Variants in THRAP3 observed in about 807,000 individuals in gnomAD.
The protein encoded by THRAP3 is thyroid hormone receptor associated protein 3.
A neutral mutation model predicts 101.0 loss-of-function variants in THRAP3; 16 were observed. That is an observed-to-expected ratio of 0.16 (90% confidence interval 0.11 to 0.24). The LOEUF (loss-of-function observed/expected upper bound fraction) is 0.24. Among genes scored for constraint, THRAP3 ranks in the 10% least tolerant of loss-of-function variants. The pLI, the probability that THRAP3 is intolerant of heterozygous loss-of-function variation, is 1.00. For synonymous variants in THRAP3, 407 were observed against 422.6 expected, an observed-to-expected ratio of 0.96 and a Z score of 0.45; for missense variants, 989 against 1,202.7, an observed-to-expected ratio of 0.82 and a Z score of 2.63.
chr1:36,285,907 T>C (rs1645789979), intron 3 of THRAP3, among the ~76,000 whole-genome samples: 1 of 152,274 alleles, frequency 6.6e-6, no homozygotes, highest in East Asian at 1.9e-4. Flanking sequence ...GGATAGGGTG[T>C]GGAGTGTTAC....
At chr1:36,210,543 T>C in the THRAP3 span, among the ~76,000 whole-genome samples, 1 of 142,816 alleles carries the variant, frequency 7.0e-6, no homozygotes, top group East Asian at 2.1e-4. Context: ...ACAAAACAAT[T>C]AGCTGGATGT....
intron 2 of THRAP3, among the ~76,000 whole-genome samples, chr1:36,275,928 C>T (rs966862826): frequency 9.9e-5 from 15 of 151,674 alleles, no homozygotes; most frequent in African/African-American, 3.6e-4. Context: ...CTGGGGTGGG[C>T]GGATCACTTG....
In THRAP3 at chr1:36,301,715, C is replaced by T. The variant is rs1388829517; in HGVS notation, c.2646+19C>T. The T allele has an allele frequency of 2.5e-6, 4 of 1,606,444 alleles. No individual in the cohort carries two copies. The African/African-American group carries it at 4.0e-5, about 16-fold the overall frequency. On this transcript the variant is annotated intron_variant, in intron 11 of 11. Coordinates refer to ENST00000354618, the MANE Select transcript of THRAP3 (RefSeq NM_005119.4). ...TTACTTGGTATGTGTCTGGGGATAA[C>T]CAGGAAGGGTTAGAGGGCCTTTGAC...
chr1:36,263,213 CTTCGGCCTCCTGA>C (rs1445334146), intron 2 of THRAP3, among the ~76,000 whole-genome samples: 1 of 151,946 alleles, frequency 6.6e-6, no homozygotes, highest in Admixed American at 6.6e-5. Flanking sequence ...GATCCTCCTG[CTTCGGCCTCCTGA>C]GTAGCTGAGA....
chr1:36,252,839 A>AG (rs2124460101), intron 1 of THRAP3, among the ~76,000 whole-genome samples: 1 of 150,702 alleles, frequency 6.6e-6, no homozygotes, highest in East Asian at 2.0e-4. Flanking sequence ...CCCGGAGGAC[A>AG]GGGGTTGCAC....
At position 36,286,780 on chromosome 1, in the gene THRAP3, T is replaced by G; in HGVS notation, c.550T>G (p.Ser184Ala). Residue 184 changes from serine (S) to alanine (A), a missense_variant, in exon 4 of 12, where the codon TCT becomes GCT. Coordinates refer to ENST00000354618, the MANE Select transcript of THRAP3 (RefSeq NM_005119.4). This position sits in a 1 kb window ranked among gnomAD's most constrained non-coding sequence, Gnocchi z 5.5. ...RKSAKEKKSS[S>A]KDSRPSQAAG... Reference sequence around the variant, plus strand: ...GTCTGCAAAGGAGAAAAAGTCCTCTTCTAAGGATAGCCGGCCATCTCAGGC... The same window carrying G: ...GTCTGCAAAGGAGAAAAAGTCCTCTGCTAAGGATAGCCGGCCATCTCAGGC... 2 of 1,614,198 alleles carry G rather than the reference T, an allele frequency of 1.2e-6. No individual in the cohort carries two copies. The highest frequency in any genetic ancestry group is 4.5e-5 in the East Asian group (2 of 44,886).
chr1:36,292,896 C>T (rs560820081), intron 7 of THRAP3, among the ~76,000 whole-genome samples, 187 bp downstream of exon 7: 1 of 152,254 alleles, frequency 6.6e-6, no homozygotes, highest in African/African-American at 2.4e-5. Flanking sequence ...GGACAACAGT[C>T]TCTCACATTG....
the THRAP3 span, among the ~76,000 whole-genome samples, chr1:36,214,815 C>T: frequency 1.1e-4 from 17 of 151,406 alleles, no homozygotes; most frequent in East Asian, 2.3e-3. Flanking sequence ...GCCGAGATCA[C>T]GCCATTGCAC....
intron 8 of THRAP3, among the ~76,000 whole-genome samples, chr1:36,295,607 T>C (rs1175034718): frequency 2.1e-5 from 3 of 145,768 alleles, no homozygotes; most frequent in Non-Finnish European, 3.0e-5. Flanking sequence ...CTCCCTTCCT[T>C]CTTCCCTCCC....
chr1:36,254,075 A>G (rs969652299), intron 1 of THRAP3, among the ~76,000 whole-genome samples: 1 of 152,102 alleles, frequency 6.6e-6, no homozygotes, highest in African/African-American at 2.4e-5. Flanking sequence ...TTCTGCTTCT[A>G]ACTCATCAAA....
At chr1:36,260,404 T>C (rs1324836448) in intron 2 of THRAP3, among the ~76,000 whole-genome samples, 1 of 152,164 alleles carries the variant, frequency 6.6e-6, no homozygotes, top group Non-Finnish European at 1.5e-5. Flanking sequence ...CAGTTCCTTT[T>C]GGTATATCTC....
intron 1 of THRAP3, among the ~76,000 whole-genome samples, chr1:36,256,594 C>T (rs915380105): frequency 7.2e-5 from 11 of 152,122 alleles, no homozygotes; most frequent in Admixed American, 5.2e-4. Flanking sequence ...CTGTTCTCCA[C>T]GCAGCAGCGA....
chr1:36,216,445 G>A, the THRAP3 span, among the ~76,000 whole-genome samples: 1 of 149,104 alleles, frequency 6.7e-6, no homozygotes, highest in South Asian at 2.1e-4. Context: ...ACTGGGATAC[G>A]GAGATCGCGC....
chr1:36,298,677 T>C (rs1377691757), intron 9 of THRAP3, among the ~76,000 whole-genome samples: 1 of 152,032 alleles, frequency 6.6e-6, no homozygotes, highest in African/African-American at 2.4e-5. Context: ...TTTTTAAAAA[T>C]TTTTTGTAGA....
upstream of THRAP3, among the ~76,000 whole-genome samples, chr1:36,221,605 G>A (rs115332165): frequency 6.3e-3 from 964 of 152,284 alleles, 11 homozygotes; most frequent in African/African-American, 0.022. Context: ...TTTTTATTGA[G>A]ACAGTTTTGC....
chr1:36,287,653 C>T (rs1300880219), intron 4 of THRAP3: 1 of 985,434 alleles, frequency 1.0e-6, no homozygotes, highest in Non-Finnish European at 1.2e-6. Context: ...CACCCACCAT[C>T]TACTATGTTC....
chr1:36,287,709 C>T (rs1199448131), intron 4 of THRAP3: 1 of 985,332 alleles, frequency 1.0e-6, no homozygotes, highest in Non-Finnish European at 1.2e-6. Flanking sequence ...CCTCAATACC[C>T]TCCAGTTGAG....
intron 8 of THRAP3, among the ~76,000 whole-genome samples, chr1:36,295,969 T>A: frequency 1.6e-5 from 1 of 63,920 alleles, no homozygotes; most frequent in Non-Finnish European, 4.2e-5. Flanking sequence ...TTTTTTTTTT[T>A]TTTTTTTTTT....
Position 36,286,354 on chromosome 1 carries a change from C to A in THRAP3, c.138-14C>A, listed in dbSNP as rs1356326827. 1.9e-6 allele frequency: 3 copies of A among 1,552,328 alleles called. No individual in the cohort carries two copies. The highest frequency in any genetic ancestry group is 2.6e-6 in the Non-Finnish European group (3 of 1,152,436). On this transcript the variant is annotated splice_polypyrimidine_tract_variant and intron_variant, in intron 3 of 11. Transcript: ENST00000354618. This position sits in a 1 kb window ranked among gnomAD's most constrained non-coding sequence, Gnocchi z 5.5. ...CAAAAATTCAAACATTTGTCTCTTTCCTTTCCATTCCAGTTCTAGGTCTCG... is the reference window on the plus strand; with the variant it reads ...CAAAAATTCAAACATTTGTCTCTTTACTTTCCATTCCAGTTCTAGGTCTCG...
Sources: gnomAD v4.1 joint callset for allele counts (sites outside exome capture counted in the v4.1 genomes callset) on GRCh38, gnomAD v4.1.1 for gene constraint, Gnocchi (gnomAD v3.1) non-coding constraint, MANE v1.5 for transcripts, NCBI Gene and HGNC (gene_info 2026-07-23, HGNC 2026-07-21) for gene names.